Variants in CNTN1 observed in about 807,000 individuals in gnomAD.
CNTN1 encodes the protein contactin-1.
In CNTN1, 38 loss-of-function variants were observed where a neutral mutation model predicts 126.4. That is an observed-to-expected ratio of 0.30 (90% confidence interval 0.23 to 0.39). CNTN1 has a LOEUF of 0.39. Ranked by LOEUF, CNTN1 falls within the 10% of genes least tolerant of loss-of-function variation. The pLI is 1.00. For missense variants in CNTN1, 1,009 were observed against 1,248.4 expected (o/e 0.81, Z 2.89); for synonymous variants, 413 against 422.6 (o/e 0.98, Z 0.28).
chr12:40,892,087 C>T (rs1256172972), intron 1 of CNTN1, among the ~76,000 whole-genome samples: 1 of 152,006 alleles, frequency 6.6e-6, no homozygotes, highest in Non-Finnish European at 1.5e-5. Context: ...ATACTAGAGC[C>T]CTGTCTAAAA....
chr12:40,941,402 A>G (rs1264893483), intron 12 of CNTN1, among the ~76,000 whole-genome samples: 1 of 152,124 alleles, frequency 6.6e-6, no homozygotes, highest in African/African-American at 2.4e-5. Flanking sequence ...ATTGGTCTTT[A>G]AGCATAAATA....
intron 19 of CNTN1, among the ~76,000 whole-genome samples, chr12:41,017,167 G>C (rs1052706382): frequency 1.3e-5 from 2 of 151,930 alleles, no homozygotes; most frequent in Non-Finnish European, 2.9e-5. Context: ...TAAAATAATT[G>C]GCTCTGACTT....
rs444927 is a variant in CNTN1, at chr12:41,070,201, G to A, written c.*166G>A. ...AACACACATGATGACTGAGGCATTC[G>A]GGAACCCCTTCATCCAAAAGAATAA... On this transcript the variant is annotated 3_prime_UTR_variant, in exon 24 of 24. Transcript: ENST00000551295. 357,867 of 669,152 alleles carry A rather than the reference G, an allele frequency of 0.53. 97,947 individuals are homozygous for A. The highest frequency in any genetic ancestry group is 0.7 in the African/African-American group (38,799 of 55,780). 41.5% of individuals were successfully genotyped at this position (669,152 alleles called of 1,614,324 possible).
intron 23 of CNTN1, among the ~76,000 whole-genome samples, chr12:41,066,553 T>C (rs1417968569): frequency 1.3e-5 from 2 of 152,212 alleles, no homozygotes; most frequent in Non-Finnish European, 2.9e-5. Context: ...TTGTTCATAA[T>C]ATAGAGATAT....
At chr12:40,697,570 A>G (rs1445980725) in intron 1 of CNTN1, among the ~76,000 whole-genome samples, 1 of 152,228 alleles carries the variant, frequency 6.6e-6, no homozygotes, top group Non-Finnish European at 1.5e-5. Context: ...ATCTATTTGC[A>G]GTAGTGTCTC....
intron 1 of CNTN1, among the ~76,000 whole-genome samples, chr12:40,785,269 G>A (rs61913902): frequency 6.6e-6 from 1 of 152,244 alleles, no homozygotes; most frequent in Non-Finnish European, 1.5e-5. Context: ...GGTTCTGTAG[G>A]CTGTACAGGA....
At chr12:40,790,609 C>T (rs189777282) in intron 1 of CNTN1, among the ~76,000 whole-genome samples, 7 of 152,170 alleles carry the variant, frequency 4.6e-5, no homozygotes, top group Admixed American at 4.6e-4. Context: ...CTGAAAATAC[C>T]AGGGATACTG....
At chr12:41,043,689 C>A (rs1339917952) in intron 23 of CNTN1, among the ~76,000 whole-genome samples, 1 of 152,046 alleles carries the variant, frequency 6.6e-6, no homozygotes, top group Non-Finnish European at 1.5e-5. Flanking sequence ...GCTATAAAGA[C>A]ACATGCACAC....
At position 41,054,916 on chromosome 12, in the gene CNTN1, G is replaced by A. The variant is rs74076965; in HGVS notation, c.2981-15043G>A. 3.1e-3 allele frequency among the ~76,000 whole-genome samples: 478 copies of A among 152,090 alleles called. 3 individuals carry two copies. The highest frequency in any genetic ancestry group is 0.011 in the African/African-American group (459 of 41,514). ...AACAGTATGTCATTTGTGGTTTATC[G>A]TCAGCCATTTTTAATTAGACGAAAT... On this transcript the variant is annotated intron_variant, in intron 23 of 23. Transcript: ENST00000551295.
chr12:40,824,985 G>A (rs913623762), intron 1 of CNTN1, among the ~76,000 whole-genome samples: 15 of 152,088 alleles, frequency 9.9e-5, no homozygotes, highest in Non-Finnish European at 1.6e-4. Flanking sequence ...CATAGCGACC[G>A]TGTGCATTAC....
chr12:40,699,478 C>T (rs963765649), intron 1 of CNTN1, among the ~76,000 whole-genome samples: 4 of 151,690 alleles, frequency 2.6e-5, no homozygotes, highest in Non-Finnish European at 5.9e-5. Flanking sequence ...GCCAATAATT[C>T]CAAATTGCTA....
Position 40,988,022 on chromosome 12 carries a change from G to A in CNTN1, c.1964-5098G>A, listed in dbSNP as rs151294015. 4.1e-3 allele frequency among the ~76,000 whole-genome samples: 612 copies of A among 150,236 alleles called. 3 individuals carry two copies. Among genetic ancestry groups the A allele is most frequent in the Non-Finnish European group, 6.7e-3 (456 of 67,802 alleles). The stretch of plus-strand genomic sequence containing the variant: ...TCTAGATTTTTATGAGGCTACATTC[G>A]TATTTCCCTTAGAGAAGGATCAAGG... On this transcript the variant is annotated intron_variant, in intron 16 of 23. Transcript: ENST00000551295.
intron 1 of CNTN1, among the ~76,000 whole-genome samples, chr12:40,814,802 C>T (rs1418998023): frequency 6.6e-6 from 1 of 152,080 alleles, no homozygotes; most frequent in East Asian, 1.9e-4. Context: ...TGGACATTTT[C>T]ACGATATTGA....
chr12:40,797,724 A>G (rs1165009982), intron 1 of CNTN1, among the ~76,000 whole-genome samples: 1 of 152,062 alleles, frequency 6.6e-6, no homozygotes, highest in Non-Finnish European at 1.5e-5. Flanking sequence ...AGGGAAAATG[A>G]TGGCTTGGAC....
rs140464654 is a variant in CNTN1 at position 40,981,163 on chromosome 12, A to G, written c.1963+96A>G. The G allele has an allele frequency of 0.016, 18,482 of 1,181,802 alleles. 197 individuals carry two copies. Among genetic ancestry groups the G allele is most frequent in the Middle Eastern group, 0.02 (68 of 3,438 alleles). The allele number at this position is 1,181,802 out of a possible 1,614,324, so 73.2% of individuals were successfully genotyped here. ...GGAGGTTTTAAAAATGTCATTATCT[A>G]CCTTGAAAGGCTTTCTTTCTTAAAT... is the stretch of plus-strand genomic sequence containing the variant. On this transcript the variant is annotated intron_variant, in intron 16 of 23. Coordinates refer to ENST00000551295, the MANE Select transcript of CNTN1 (RefSeq NM_001843.4).
chr12:40,924,968 A>T (rs1011439516), intron 6 of CNTN1, among the ~76,000 whole-genome samples: 3 of 148,694 alleles, frequency 2.0e-5, no homozygotes, highest in African/African-American at 7.4e-5. Context: ...AATATTCCTG[A>T]AATAGAACAG....
At chr12:40,986,083 T>C (rs1383695823) in intron 16 of CNTN1, among the ~76,000 whole-genome samples, 4 of 152,228 alleles carry the variant, frequency 2.6e-5, no homozygotes, top group Non-Finnish European at 5.9e-5. Flanking sequence ...CACATAATAT[T>C]CCATGGGAAT....
intron 1 of CNTN1, among the ~76,000 whole-genome samples, chr12:40,787,277 G>A (rs1473064917): frequency 2.0e-5 from 3 of 152,030 alleles, no homozygotes; most frequent in African/African-American, 7.2e-5. Flanking sequence ...AGTTGACTCA[G>A]GACTTGGCAG....
intron 1 of CNTN1, among the ~76,000 whole-genome samples, chr12:40,841,073 G>C (rs1039312980): frequency 4.0e-5 from 6 of 151,644 alleles, no homozygotes; most frequent in Non-Finnish European, 8.9e-5. Flanking sequence ...TAATCAAGCA[G>C]AAAGACCTAA....
Sources: gnomAD v4.1 joint callset for allele counts (sites outside exome capture counted in the v4.1 genomes callset) on GRCh38, gnomAD v4.1.1 for gene constraint, MANE v1.5 for transcripts, NCBI Gene and HGNC (gene_info 2026-07-23, HGNC 2026-07-21) for gene names.